Variants in GALNT1 observed in about 807,000 individuals in gnomAD.
GALNT1 encodes GalNAc transferase 1.
A neutral mutation model predicts 65.7 loss-of-function variants in GALNT1; 17 were observed. The ratio of observed to expected loss-of-function variants is 0.26; its 90% CI spans 0.18 to 0.39. GALNT1 has a LOEUF of 0.39. GALNT1 is among the 10% of genes least tolerant of loss of function. The pLI, the probability that GALNT1 is intolerant of heterozygous loss-of-function variation, is 1.00. For synonymous variants in GALNT1, 210 were observed against 219.7 expected (o/e 0.96, Z 0.39); for missense variants, 460 against 672.8 (o/e 0.68, Z 3.50).
chr18:35,706,441 G>T (rs576368169), intron 11 of GALNT1, among the ~76,000 whole-genome samples: 1 of 152,244 alleles, frequency 6.6e-6, no homozygotes, highest in Non-Finnish European at 1.5e-5. Flanking sequence ...GGCGGAGTTT[G>T]CAGTGAGCCG....
At chr18:35,663,949 T>C (rs532959888) in intron 3 of GALNT1, 147 bp downstream of exon 3, 49 of 666,612 alleles carry the variant, frequency 7.4e-5, no homozygotes, top group Non-Finnish European at 1.1e-4. Flanking sequence ...AATTAAATGC[T>C]GATAGAAATA....
intron 1 of GALNT1, among the ~76,000 whole-genome samples, chr18:35,618,113 A>G (rs902884801): frequency 2.6e-5 from 4 of 152,032 alleles, no homozygotes; most frequent in Admixed American, 6.6e-5. Flanking sequence ...GCAAAATGCA[A>G]AACTGTTAAC....
chr18:35,684,700 A>G (rs1248020905), intron 5 of GALNT1, among the ~76,000 whole-genome samples: 1 of 152,226 alleles, frequency 6.6e-6, no homozygotes, highest in African/African-American at 2.4e-5. Context: ...TTTTAAATGC[A>G]TCATTGAGTT....
chr18:35,650,189 G>GTTTT (rs2047291819), intron 1 of GALNT1, among the ~76,000 whole-genome samples: 1 of 152,112 alleles, frequency 6.6e-6, no homozygotes, highest in African/African-American at 2.4e-5. Context: ...AAATTTTAAA[G>GTTTT]CTGGGAGTCT....
chr18:35,708,615 G>A (rs2048304529), intron 11 of GALNT1, among the ~76,000 whole-genome samples: 2 of 152,128 alleles, frequency 1.3e-5, no homozygotes, highest in Non-Finnish European at 2.9e-5. Flanking sequence ...GTAGAGTAAT[G>A]CTTAATGCAC....
Position 35,697,348 on chromosome 18 carries a change from A to G in GALNT1, c.1299+5028A>G, listed in dbSNP as rs139664003. On this transcript the variant is annotated intron_variant, in intron 9 of 11. Coordinates refer to ENST00000269195, the MANE Select transcript of GALNT1 (RefSeq NM_020474.4). ...ATGTCCCCAAGGTGCTCAATTAGAA[A>G]GGCGAAGTGCTGGGGAGAAGGAGGT... is the stretch of plus-strand genomic sequence containing the variant. 5.5e-3 allele frequency among the ~76,000 whole-genome samples: 844 copies of G among 152,284 alleles called. 5 individuals carry two copies. Among genetic ancestry groups the G allele is most frequent in the Non-Finnish European group, 8.3e-3 (567 of 68,004 alleles).
In GALNT1 at chr18:35,688,606, A is replaced by C. The variant is rs116025387; in HGVS notation, c.861-567A>C. On this transcript the variant is annotated intron_variant, in intron 6 of 11. Transcript: ENST00000269195. ...CACACAGTCAGGAAGGAACATATTG[A>C]TTTTATTCTATATTTTGTCTCCTCT... Among the ~76,000 whole-genome samples the C allele has an allele frequency of 9.9e-3, 1,511 of 152,202 alleles. 31 individuals carry two copies. Among genetic ancestry groups the C allele is most frequent in the African/African-American group, 0.034 (1,432 of 41,540 alleles).
intron 1 of GALNT1, among the ~76,000 whole-genome samples, chr18:35,624,717 A>G (rs907040916): frequency 2.0e-5 from 3 of 152,090 alleles, no homozygotes; most frequent in African/African-American, 7.2e-5. Flanking sequence ...TTATTTAATT[A>G]GTTGTTACCT....
intron 9 of GALNT1, among the ~76,000 whole-genome samples, chr18:35,693,827 C>A (rs556128478): frequency 2.7e-4 from 41 of 152,162 alleles, no homozygotes; most frequent in African/African-American, 7.7e-4. Context: ...AGCCACAAAA[C>A]TGTATGAGGT....
At chr18:35,676,074 C>A (rs368160427) in intron 3 of GALNT1, among the ~76,000 whole-genome samples, 2 of 152,148 alleles carry the variant, frequency 1.3e-5, no homozygotes, top group East Asian at 3.8e-4. Context: ...CCCCCTCTAG[C>A]CTAGTCTTTT....
chr18:35,702,279 G>T (rs573302717), intron 9 of GALNT1, among the ~76,000 whole-genome samples: 1 of 152,318 alleles, frequency 6.6e-6, no homozygotes, highest in Admixed American at 6.5e-5. Context: ...CATAGGAATA[G>T]ATTTAAGACT....
chr18:35,623,483 G>A (rs1356605388), intron 1 of GALNT1, among the ~76,000 whole-genome samples: 2 of 151,920 alleles, frequency 1.3e-5, no homozygotes, highest in Admixed American at 6.6e-5. Flanking sequence ...GCCATTTTCA[G>A]GGGTTTTTTT....
chr18:35,684,481 T>A (rs1245406948), intron 5 of GALNT1, among the ~76,000 whole-genome samples: 1 of 152,170 alleles, frequency 6.6e-6, no homozygotes, highest in Admixed American at 6.5e-5. Flanking sequence ...TTATTTTCTT[T>A]AAATAATAGA....
At chr18:35,651,608 T>C (rs2047312017) in intron 1 of GALNT1, among the ~76,000 whole-genome samples, 1 of 152,320 alleles carries the variant, frequency 6.6e-6, no homozygotes, top group East Asian at 1.9e-4. Flanking sequence ...TGCTGATTTG[T>C]TCTTTGACTG....
At chr18:35,640,510 A>G (rs572801921) in intron 1 of GALNT1, among the ~76,000 whole-genome samples, 1 of 152,246 alleles carries the variant, frequency 6.6e-6, no homozygotes, top group Non-Finnish European at 1.5e-5. Context: ...GAAAGATAGC[A>G]GATCTCTCCA....
chr18:35,648,285 AAC>A (rs1447015250), intron 1 of GALNT1, among the ~76,000 whole-genome samples: 2 of 152,222 alleles, frequency 1.3e-5, no homozygotes, highest in Admixed American at 6.5e-5. Flanking sequence ...TAAGATATTC[AAC>A]ACTTTATTGT....
chr18:35,659,250 C>T (rs1196216329), intron 2 of GALNT1, among the ~76,000 whole-genome samples: 1 of 152,138 alleles, frequency 6.6e-6, no homozygotes, highest in East Asian at 1.9e-4. Flanking sequence ...GGATTGATGT[C>T]ATTGTGATAA....
At chr18:35,597,075 G>A (rs982079091) in intron 1 of GALNT1, 1 of 152,234 alleles carries the variant, frequency 6.6e-6, no homozygotes, top group Non-Finnish European at 1.5e-5. Context: ...ACTCTTGGGG[G>A]CTAGGAAGCA....
In GALNT1 at chr18:35,710,632, T is replaced by A. The variant is rs1476169525; in HGVS notation, c.*862T>A. 6.6e-6 allele frequency: 1 copy of A among 152,644 alleles called. No homozygotes were observed. Among genetic ancestry groups the A allele is most frequent in the Non-Finnish European group, 1.5e-5 (1 of 68,046 alleles). The allele number at this position is 152,644 out of a possible 1,614,324, so 9.5% of individuals were successfully genotyped here. On this transcript the variant is annotated 3_prime_UTR_variant, in exon 12 of 12. Coordinates refer to ENST00000269195, the MANE Select transcript of GALNT1 (RefSeq NM_020474.4). ...AACAAATTAGATGTTTCAGTTGCTC[T>A]TGGGTCAACTGGCTTACAGATTTAC...
Sources: allele counts gnomAD v4.1 joint callset (sites outside exome capture counted in the v4.1 genomes callset), GRCh38; gene constraint gnomAD v4.1.1; transcripts MANE v1.5; gene names NCBI Gene and HGNC (gene_info 2026-07-23, HGNC 2026-07-21).